RABGAP1L: variants seen among roughly 807,000 people sequenced by gnomAD.
RABGAP1L encodes RAB GTPase activating protein 1 like.
Under a neutral mutation model 137.7 loss-of-function variants are expected in RABGAP1L, and 63 were observed. The observed-to-expected ratio is 0.46, with a 90% confidence interval of 0.37 to 0.56. The LOEUF is 0.56. Among genes scored for constraint, RABGAP1L ranks in the 20% least tolerant of loss-of-function variants. RABGAP1L has a pLI of 0.00. For synonymous variants in RABGAP1L, 431 were observed against 433.7 expected (o/e 0.99, Z 0.08); for missense variants, 1,095 against 1,244.0 (o/e 0.88, Z 1.80).
At chr1:174,936,412 G>C (rs559240455) in intron 19 of RABGAP1L, among the ~76,000 whole-genome samples, 2 of 152,174 alleles carry the variant, frequency 1.3e-5, no homozygotes, top group East Asian at 3.9e-4. Context: ...AGACCAGCCT[G>C]GGCAACATGG....
chr1:174,228,263 C>T lies in RABGAP1L; in HGVS notation c.332-2882C>T, dbSNP rs1048681040. 3.9e-5 allele frequency among the ~76,000 whole-genome samples: 6 copies of T among 152,140 alleles called. No individual in the cohort carries two copies. In the South Asian group the frequency reaches 1.2e-3, roughly 32 times the overall value. ...GTAGAGTCATGAATCTTGGGTTACACAGGTTTATAAAATACCTCTTCAAAC... is the reference window on the plus strand; with the variant it reads ...GTAGAGTCATGAATCTTGGGTTACATAGGTTTATAAAATACCTCTTCAAAC... On this transcript the variant is annotated intron_variant, in intron 3 of 25. Coordinates refer to ENST00000681986, the MANE Select transcript of RABGAP1L (RefSeq NM_001366446.1).
chr1:174,293,946 A>C (rs1281573238), intron 10 of RABGAP1L, among the ~76,000 whole-genome samples: 3 of 152,110 alleles, frequency 2.0e-5, no homozygotes, highest in Non-Finnish European at 4.4e-5. Context: ...ATAGTTCAGA[A>C]GCAGCACTCA....
chr1:174,741,032 AT>A (rs1209031209), intron 17 of RABGAP1L, among the ~76,000 whole-genome samples: 3 of 132,154 alleles, frequency 2.3e-5, no homozygotes, highest in African/African-American at 6.4e-5. Context: ...CACTCTGTTG[AT>A]TTTTTTGTTT....
chr1:174,215,920 A>T (rs544324902), intron 1 of RABGAP1L, among the ~76,000 whole-genome samples: 1 of 152,340 alleles, frequency 6.6e-6, no homozygotes, highest in South Asian at 2.1e-4. Context: ...CCATCAACAG[A>T]TAAAGAAAAT....
At position 174,278,753 on chromosome 1, in the gene RABGAP1L, G is replaced by A. The variant is rs1675230093; in HGVS notation, c.1297G>A (p.Glu433Lys). The change falls in exon 10 of 26, where the codon GAG (glutamate) becomes AAG (lysine). Residue 433 changes from glutamate to lysine, a missense_variant. Glu to Lys is a moderately conservative substitution (Grantham distance 56). Around this residue, in one of 4 missense-constraint regions of RABGAP1L, gnomAD observed 315 missense variants for 324.8 expected, o/e 0.97. Transcript: ENST00000681986. ...GTATTTCAGCAGAAAGACTTTCACA[G>A]AGACTTTCTTCATGAGATTGAAACA... ...FWYFSRKTFT[E>K]TFFMRLKQSE... 7 of 1,579,026 alleles carry A rather than the reference G, an allele frequency of 4.4e-6. No homozygotes were observed. Among genetic ancestry groups the A allele is most frequent in the Non-Finnish European group, 6.0e-6 (7 of 1,167,876 alleles).
Position 174,448,946 on chromosome 1 carries a change from C to G in RABGAP1L, c.1710+54801C>G. ...AACCAGTGTATTTTATATGCTGTGG[C>G]TCCCCTATATAATTTACTTTCTTCT... On this transcript the variant is annotated intron_variant, in intron 13 of 25. Coordinates refer to ENST00000681986, the MANE Select transcript of RABGAP1L (RefSeq NM_001366446.1). This position sits in a 1 kb window ranked among gnomAD's most constrained non-coding sequence, Gnocchi z 4.2. 1 of 1,613,878 alleles carries G rather than the reference C, an allele frequency of 6.2e-7. No homozygotes were observed. Among genetic ancestry groups the G allele is most frequent in the Non-Finnish European group, 8.5e-7 (1 of 1,179,790 alleles).
At chr1:174,790,755 T>C (rs1687790552) in intron 18 of RABGAP1L, among the ~76,000 whole-genome samples, 1 of 151,828 alleles carries the variant, frequency 6.6e-6, no homozygotes, top group African/African-American at 2.4e-5. Context: ...CTGCATCTAT[T>C]TGAAGCCATG....
intron 19 of RABGAP1L, among the ~76,000 whole-genome samples, chr1:174,926,508 T>C (rs59531493): frequency 0.082 from 12,493 of 152,058 alleles, 1,670 homozygotes; most frequent in African/African-American, 0.28. Flanking sequence ...TAAGTTTTTG[T>C]AGTAAGAATG....
intron 17 of RABGAP1L, among the ~76,000 whole-genome samples, chr1:174,702,457 TA>T (rs11296570): frequency 0.21 from 32,175 of 152,176 alleles, 3,723 homozygotes; most frequent in Admixed American, 0.25. Flanking sequence ...TTAAGGCATA[TA>T]TAATTCCTAC....
intron 14 of RABGAP1L, among the ~76,000 whole-genome samples, chr1:174,671,951 C>T (rs1352732131): frequency 6.6e-6 from 1 of 152,018 alleles, no homozygotes; most frequent in Non-Finnish European, 1.5e-5. Context: ...AACTATCTGG[C>T]TTTTTGTTGA....
At chr1:174,639,905 C>T (rs1674385340) in intron 14 of RABGAP1L, among the ~76,000 whole-genome samples, 1 of 152,086 alleles carries the variant, frequency 6.6e-6, no homozygotes, top group Admixed American at 6.6e-5. Context: ...TTTAGATTAT[C>T]AGTATACATT....
At chr1:174,982,959 G>T (rs1671261219) in intron 24 of RABGAP1L, 54 bp downstream of exon 24, 19 of 1,523,346 alleles carry the variant, frequency 1.2e-5, no homozygotes, top group Non-Finnish European at 1.5e-5. Context: ...ACACAGGCTT[G>T]TAAGTACCTG....
At chr1:174,931,963 A>T (rs1044386027) in intron 19 of RABGAP1L, among the ~76,000 whole-genome samples, 8 of 130,376 alleles carry the variant, frequency 6.1e-5, no homozygotes, top group African/African-American at 2.0e-4. Flanking sequence ...GATTTAAATT[A>T]TAAAATTTCT....
intron 18 of RABGAP1L, among the ~76,000 whole-genome samples, chr1:174,807,602 A>T (rs2148845066): frequency 6.6e-6 from 1 of 152,332 alleles, no homozygotes; most frequent in African/African-American, 2.4e-5. Context: ...CGAAGATAGA[A>T]AATTGGAGGA....
At chr1:174,781,646 T>A (rs1318455479) in intron 18 of RABGAP1L, among the ~76,000 whole-genome samples, 1 of 152,198 alleles carries the variant, frequency 6.6e-6, no homozygotes, top group South Asian at 2.1e-4. Flanking sequence ...TTGCCCATGC[T>A]TATGTCCTGA....
At chr1:174,613,256 G>T (rs1014327495) in intron 13 of RABGAP1L, among the ~76,000 whole-genome samples, 1 of 151,956 alleles carries the variant, frequency 6.6e-6, no homozygotes, top group South Asian at 2.1e-4. Context: ...GGTATGTTGT[G>T]TCTTTGTTCT....
intron 13 of RABGAP1L, among the ~76,000 whole-genome samples, chr1:174,562,688 G>T (rs1246094569): frequency 6.6e-6 from 1 of 152,174 alleles, no homozygotes; most frequent in African/African-American, 2.4e-5. Flanking sequence ...AAAAGGATGA[G>T]TTCATGTCCT....
At chr1:174,196,456 C>T (rs996427025) in intron 1 of RABGAP1L, among the ~76,000 whole-genome samples, 2 of 152,004 alleles carry the variant, frequency 1.3e-5, no homozygotes, top group Non-Finnish European at 2.9e-5. Flanking sequence ...GATCTCCTGA[C>T]CTTGTGATCC....
intron 1 of RABGAP1L, among the ~76,000 whole-genome samples, chr1:174,184,502 T>C (rs1169373412): frequency 6.6e-6 from 1 of 152,160 alleles, no homozygotes; most frequent in African/African-American, 2.4e-5. Flanking sequence ...TTATTTTGCA[T>C]CCCCACTAGC....
Sources: gnomAD v4.1 joint callset for allele counts (sites outside exome capture counted in the v4.1 genomes callset) on GRCh38, gnomAD v4.1.1 for gene constraint, gnomAD v4.1.1 regional missense constraint, Gnocchi (gnomAD v3.1) non-coding constraint, MANE v1.5 for transcripts, NCBI Gene and HGNC (gene_info 2026-07-23, HGNC 2026-07-21) for gene names.